MACROD2: variants seen among roughly 807,000 people sequenced by gnomAD.
MACROD2 encodes mono-ADP ribosylhydrolase 2, also known as ADP-ribose glycohydrolase MACROD2.
A neutral mutation model predicts 70.4 loss-of-function variants in MACROD2; 36 were observed. The ratio of observed to expected loss-of-function variants is 0.51; its 90% CI spans 0.39 to 0.68. The LOEUF (loss-of-function observed/expected upper bound fraction) is 0.68, where lower values mean the gene tolerates loss of function less well. Among genes scored for constraint, MACROD2 ranks in the 30% least tolerant of loss-of-function variants. MACROD2 has a pLI of 0.00. For synonymous variants in MACROD2, 172 were observed against 178.8 expected, an observed-to-expected ratio of 0.96 and a Z score of 0.30; for missense variants, 496 against 538.4, an observed-to-expected ratio of 0.92 and a Z score of 0.78.
At chr20:14,446,037 A>G (rs919785159) in intron 3 of MACROD2, among the ~76,000 whole-genome samples, 1 of 152,082 alleles carries the variant, frequency 6.6e-6, no homozygotes, top group African/African-American at 2.4e-5. Flanking sequence ...GAATTTGGTC[A>G]TACCTGAATG....
At chr20:14,154,913 A>G (rs981370330) in intron 3 of MACROD2, among the ~76,000 whole-genome samples, 2 of 152,188 alleles carry the variant, frequency 1.3e-5, no homozygotes, top group Non-Finnish European at 2.9e-5. Flanking sequence ...ATTTGTTTAC[A>G]TGAAACTCTC....
chr20:15,243,448 C>T (rs1218690000), intron 6 of MACROD2, among the ~76,000 whole-genome samples: 1 of 152,162 alleles, frequency 6.6e-6, no homozygotes, highest in East Asian at 1.9e-4. Context: ...GATCTACATG[C>T]ACACAGTAGA....
chr20:14,734,637 T>G (rs190806660), intron 5 of MACROD2, among the ~76,000 whole-genome samples: 1 of 151,590 alleles, frequency 6.6e-6, no homozygotes, highest in East Asian at 1.9e-4. Flanking sequence ...TTTTTCTTAA[T>G]AGTAACTTTA....
chr20:15,128,158 A>AGG (rs1601110470), intron 5 of MACROD2, among the ~76,000 whole-genome samples: 1 of 152,248 alleles, frequency 6.6e-6, no homozygotes, highest in East Asian at 1.9e-4. Context: ...AAAAAGAGGC[A>AGG]GGTGTTTTAG....
At chr20:16,033,252 TA>T in intron 15 of MACROD2, among the ~76,000 whole-genome samples, 1 of 152,206 alleles carries the variant, frequency 6.6e-6, no homozygotes, top group Non-Finnish European at 1.5e-5. Flanking sequence ...GTTCTTCATG[TA>T]GATGTAGAAT....
chr20:14,496,761 C>T (rs1230378853), intron 4 of MACROD2, among the ~76,000 whole-genome samples: 1 of 150,232 alleles, frequency 6.7e-6, no homozygotes, highest in Non-Finnish European at 1.5e-5. Flanking sequence ...AAGGCAGAGA[C>T]AGTTATGTAC....
At chr20:15,023,469 AC>A (rs1431669526) in intron 5 of MACROD2, among the ~76,000 whole-genome samples, 1 of 151,892 alleles carries the variant, frequency 6.6e-6, no homozygotes, top group African/African-American at 2.4e-5. Context: ...GGCTGGCATC[AC>A]CCCCTGTTGA....
intron 3 of MACROD2, among the ~76,000 whole-genome samples, chr20:14,393,487 T>A (rs1268125874): frequency 2.0e-5 from 3 of 152,130 alleles, no homozygotes; most frequent in Non-Finnish European, 2.9e-5. Context: ...TTACCTTAGT[T>A]CCTCTGCCTG....
chr20:14,752,004 T>C (rs1294588585), intron 5 of MACROD2, among the ~76,000 whole-genome samples: 2 of 151,728 alleles, frequency 1.3e-5, no homozygotes, highest in Non-Finnish European at 2.9e-5. Flanking sequence ...CTTGATTTCC[T>C]CCCATCCCTC....
chr20:15,300,592 G>A (rs144427665), intron 6 of MACROD2, among the ~76,000 whole-genome samples: 77 of 152,268 alleles, frequency 5.1e-4, no homozygotes, highest in African/African-American at 1.8e-3. Context: ...TGATTCATGT[G>A]CATATTCAAA....
intron 6 of MACROD2, among the ~76,000 whole-genome samples, chr20:15,330,269 C>T (rs971588989): frequency 1.3e-5 from 2 of 149,462 alleles, no homozygotes; most frequent in Admixed American, 6.7e-5. Flanking sequence ...ATCTTTTCCT[C>T]CCCTACAACG....
At chr20:15,339,630 A>G (rs1210673831) in intron 6 of MACROD2, among the ~76,000 whole-genome samples, 2 of 151,832 alleles carry the variant, frequency 1.3e-5, no homozygotes, top group African/African-American at 4.9e-5. Context: ...TTTTGTTGAG[A>G]TGGCTTCTGA....
intron 6 of MACROD2, among the ~76,000 whole-genome samples, chr20:15,272,448 A>G (rs1451682916): frequency 1.3e-5 from 2 of 152,238 alleles, no homozygotes; most frequent in African/African-American, 4.8e-5. Flanking sequence ...ATGTAGGGAA[A>G]TATTCTGATT....
At chr20:16,047,687 C>A (rs115044613) in intron 17 of MACROD2, among the ~76,000 whole-genome samples, 1 of 151,734 alleles carries the variant, frequency 6.6e-6, no homozygotes, top group African/African-American at 2.4e-5. Flanking sequence ...GTACCACCCT[C>A]AAGCAGATGA....
intron 3 of MACROD2, among the ~76,000 whole-genome samples, chr20:14,283,417 G>C (rs968431631): frequency 1.4e-4 from 22 of 151,924 alleles, no homozygotes; most frequent in Admixed American, 3.3e-4. Flanking sequence ...GGAATATTAA[G>C]TGTCCACTCC....
chr20:14,331,295 T>G, intron 3 of MACROD2, among the ~76,000 whole-genome samples: 1 of 152,150 alleles, frequency 6.6e-6, no homozygotes, highest in East Asian at 1.9e-4. Flanking sequence ...TTTCACATTT[T>G]TAACCCAGAG....
chr20:14,377,908 G>A (rs1036831687), intron 3 of MACROD2, among the ~76,000 whole-genome samples: 6 of 152,142 alleles, frequency 3.9e-5, no homozygotes, highest in Admixed American at 2.0e-4. Flanking sequence ...ACCAGAAGTC[G>A]GGGCTCCAAG....
intron 5 of MACROD2, among the ~76,000 whole-genome samples, chr20:14,880,820 C>T (rs1178281651): frequency 6.6e-6 from 1 of 152,120 alleles, no homozygotes; most frequent in African/African-American, 2.4e-5. Context: ...GATTTTGGGC[C>T]TCAGAACACA....
chr20:15,207,347 T>G (rs1252788558), intron 5 of MACROD2, among the ~76,000 whole-genome samples: 1 of 152,098 alleles, frequency 6.6e-6, no homozygotes, highest in Admixed American at 6.6e-5. Flanking sequence ...GATTCTGGGT[T>G]TGACAGAGTT....
Sources: allele counts gnomAD v4.1 joint callset (sites outside exome capture counted in the v4.1 genomes callset), GRCh38; gene constraint gnomAD v4.1.1; transcripts MANE v1.5; gene names NCBI Gene and HGNC (gene_info 2026-07-23, HGNC 2026-07-21).